The following SPOCK1 variants were observed in gnomAD, a reference collection of about 807,000 sequenced individuals.
SPOCK1 encodes testican-1.
Under a neutral mutation model 55.3 loss-of-function variants are expected in SPOCK1, and 23 were observed. That is an observed-to-expected ratio of 0.42 (90% CI 0.30 to 0.59). The LOEUF (loss-of-function observed/expected upper bound fraction) is 0.59, where lower values mean the gene tolerates loss of function less well. Among genes scored for constraint, SPOCK1 ranks in the 20% least tolerant of loss-of-function variants. The probability of loss-of-function intolerance (pLI) is 0.22; values close to 1 mark genes in which losing one functional copy is unlikely to be tolerated. For missense variants in SPOCK1, 499 were observed against 552.5 expected (o/e 0.90, Z 0.97); for synonymous variants, 226 against 221.0 (o/e 1.02, Z -0.20).
intron 2 of SPOCK1, among the ~76,000 whole-genome samples, chr5:137,460,738 C>T (rs977505937): frequency 7.1e-6 from 1 of 140,048 alleles, no homozygotes; most frequent in African/African-American, 2.7e-5. Context: ...TCTACATGGC[C>T]CTGTATGATC....
chr5:137,309,419 G>A (rs1252325817), intron 2 of SPOCK1, among the ~76,000 whole-genome samples: 2 of 152,138 alleles, frequency 1.3e-5, no homozygotes, highest in Non-Finnish European at 2.9e-5. Context: ...CTCACCACCT[G>A]TTTCAGGAGC....
intron 3 of SPOCK1, among the ~76,000 whole-genome samples, chr5:137,224,478 C>G (rs1355604540): frequency 6.6e-6 from 1 of 152,148 alleles, no homozygotes; most frequent in Non-Finnish European, 1.5e-5. Flanking sequence ...AGAATGTTAG[C>G]TGGGAAAGGA....
intron 2 of SPOCK1, among the ~76,000 whole-genome samples, chr5:137,498,102 G>A (rs1456265013): frequency 6.6e-6 from 1 of 152,128 alleles, no homozygotes; most frequent in Non-Finnish European, 1.5e-5. Context: ...TTTTAGTGCA[G>A]TCACCTCCCG....
chr5:137,195,236 C>G (rs75292882), intron 3 of SPOCK1, among the ~76,000 whole-genome samples: 1 of 152,190 alleles, frequency 6.6e-6, no homozygotes, highest in Non-Finnish European at 1.5e-5. Flanking sequence ...TTCCAACTCC[C>G]TCTACTCGCT....
intron 2 of SPOCK1, among the ~76,000 whole-genome samples, chr5:137,352,795 G>C (rs1229727): frequency 6.6e-6 from 1 of 152,082 alleles, no homozygotes; most frequent in Non-Finnish European, 1.5e-5. Context: ...GTCATCTCTT[G>C]TAAATGCTAG....
At position 137,072,412 on chromosome 5, in the gene SPOCK1, T is replaced by G. The variant is rs151327636; in HGVS notation, c.475-4583A>C. ...GACCCTCGACCTGCTAAAACAGAGA[T>G]GCCTGCCTGCCCTTATCACTGCAGA... On this transcript the variant is annotated intron_variant, in intron 5 of 10. Coordinates refer to ENST00000394945, the MANE Select transcript of SPOCK1 (RefSeq NM_004598.4). Among the ~76,000 whole-genome samples the G allele has an allele frequency of 1.1e-3, 168 of 152,262 alleles. 4 individuals are homozygous for G. The Middle Eastern group carries it at 0.027, about 25-fold the overall frequency.
At chr5:136,988,130 G>C (rs1406610487) in intron 8 of SPOCK1, among the ~76,000 whole-genome samples, 4 of 152,128 alleles carry the variant, frequency 2.6e-5, no homozygotes, top group African/African-American at 9.7e-5. Context: ...ATGTCATGAA[G>C]GTTTCTATAC....
At position 137,126,678 on chromosome 5, in the gene SPOCK1, CTT is replaced by C. The variant is rs770098427; in HGVS notation, c.347+13900_347+13901del. Among the ~76,000 whole-genome samples the C allele has an allele frequency of 7.2e-5, 11 of 152,174 alleles. No individual in the cohort carries two copies. The East Asian group carries it at 1.2e-3, about 16-fold the overall frequency. The stretch of plus-strand genomic sequence containing the variant: ...TCGGGAGGCTGAGGCAGGGGAATCA[CTT>C]GAACCCAGGAGGCGGAGGCTGCAGT... On this transcript the variant is annotated intron_variant, in intron 4 of 10. Coordinates refer to ENST00000394945, the MANE Select transcript of SPOCK1 (RefSeq NM_004598.4).
chr5:137,222,270 G>T (rs895813196), intron 3 of SPOCK1, among the ~76,000 whole-genome samples: 4 of 151,364 alleles, frequency 2.6e-5, no homozygotes, highest in African/African-American at 7.3e-5. Context: ...CAGAGTAGGT[G>T]GGGGGAACCT....
rs186980492 is a variant in SPOCK1 at position 137,170,921 on chromosome 5, T to C, written c.233-30227A>G. 3.5e-3 allele frequency among the ~76,000 whole-genome samples: 535 copies of C among 152,278 alleles called. 2 individuals carry two copies. Among genetic ancestry groups the C allele is most frequent in the Non-Finnish European group, 3.6e-3 (245 of 68,018 alleles). On this transcript the variant is annotated intron_variant, in intron 3 of 10. Coordinates refer to ENST00000394945, the MANE Select transcript of SPOCK1 (RefSeq NM_004598.4). ...AGTGCACAGAATCATAGGCTGTGAC[T>C]TGGGGCCTCCTGTGGGTGACTGCAA...
At chr5:137,296,907 G>C (rs1005445645) in intron 2 of SPOCK1, among the ~76,000 whole-genome samples, 1 of 152,182 alleles carries the variant, frequency 6.6e-6, no homozygotes, top group Non-Finnish European at 1.5e-5. Flanking sequence ...CGGGGAGATA[G>C]GCACAGCTAA....
intron 3 of SPOCK1, among the ~76,000 whole-genome samples, chr5:137,189,146 G>A (rs1370869182): frequency 6.6e-6 from 1 of 152,166 alleles, no homozygotes; most frequent in Non-Finnish European, 1.5e-5. Flanking sequence ...GAAGCAACAA[G>A]TGGTGATGGA....
intron 2 of SPOCK1, among the ~76,000 whole-genome samples, chr5:137,311,594 C>A (rs1339555266): frequency 2.0e-5 from 3 of 152,200 alleles, no homozygotes; most frequent in African/African-American, 7.2e-5. Flanking sequence ...CGCTCTTTTC[C>A]TTCAGTCTAA....
intron 5 of SPOCK1, among the ~76,000 whole-genome samples, chr5:137,083,610 T>C (rs888602133): frequency 6.6e-6 from 1 of 152,134 alleles, no homozygotes; most frequent in African/African-American, 2.4e-5. Flanking sequence ...ATTCTAGTGA[T>C]GAAAGCCAGG....
chr5:137,238,345 C>T (rs565154662), intron 3 of SPOCK1, among the ~76,000 whole-genome samples: 1 of 152,312 alleles, frequency 6.6e-6, no homozygotes, highest in South Asian at 2.1e-4. Context: ...GTCCTTGAAA[C>T]CACTTGTTCC....
At chr5:137,018,632 C>T (rs1294168373) in intron 6 of SPOCK1, among the ~76,000 whole-genome samples, 2 of 152,122 alleles carry the variant, frequency 1.3e-5, no homozygotes, top group Admixed American at 1.3e-4. Context: ...TAGAAGAATG[C>T]TCTGCCCCTC....
At chr5:137,133,378 A>G (rs935480330) in intron 4 of SPOCK1, among the ~76,000 whole-genome samples, 8 of 151,988 alleles carry the variant, frequency 5.3e-5, no homozygotes, top group Admixed American at 6.6e-5. Flanking sequence ...TCAAAAAAAA[A>G]AAAAAAAATT....
chr5:137,486,969 C>T (rs540321377), intron 2 of SPOCK1, among the ~76,000 whole-genome samples: 33 of 152,306 alleles, frequency 2.2e-4, no homozygotes, highest in African/African-American at 7.2e-4. Context: ...AAGCCAACCA[C>T]GTCCACAGAA....
intron 3 of SPOCK1, among the ~76,000 whole-genome samples, chr5:137,172,887 G>C (rs1322776333): frequency 6.6e-6 from 1 of 152,160 alleles, no homozygotes; most frequent in Admixed American, 6.5e-5. Context: ...GCAAAGACAA[G>C]ATGAAAATTC....
Sources: gnomAD v4.1 joint callset for allele counts (sites outside exome capture counted in the v4.1 genomes callset) on GRCh38, gnomAD v4.1.1 for gene constraint, MANE v1.5 for transcripts, NCBI Gene and HGNC (gene_info 2026-07-23, HGNC 2026-07-21) for gene names.